The following CAMTA1 variants were observed in gnomAD, a reference collection of about 807,000 sequenced individuals.
CAMTA1 encodes the protein calmodulin binding transcription activator 1.
A neutral mutation model predicts 170.9 loss-of-function variants in CAMTA1; 27 were observed. That is an observed-to-expected ratio of 0.16 (90% CI 0.12 to 0.22). The LOEUF (loss-of-function observed/expected upper bound fraction) is 0.22, where lower values mean the gene tolerates loss of function less well. Among genes scored for constraint, CAMTA1 ranks in the 10% least tolerant of loss-of-function variants. CAMTA1 has a pLI of 1.00. For synonymous variants in CAMTA1, 833 were observed against 891.5 expected (o/e 0.93, Z 1.17); for missense variants, 1,619 against 2,217.2 (o/e 0.73, Z 5.42).
chr1:7,521,839 G>T (rs1476179590), intron 6 of CAMTA1, among the ~76,000 whole-genome samples: 1 of 152,134 alleles, frequency 6.6e-6, no homozygotes, highest in Non-Finnish European at 1.5e-5. Flanking sequence ...GAGCCACTGC[G>T]CTCACTCCAC....
At chr1:6,871,769 A>C (rs1157820871) in intron 3 of CAMTA1, 1 of 1,535,046 alleles carries the variant, frequency 6.5e-7, no homozygotes, top group Non-Finnish European at 8.7e-7. Context: ...ATCATGATGC[A>C]GCCGTCCTTT....
intron 6 of CAMTA1, among the ~76,000 whole-genome samples, chr1:7,469,008 T>G (rs1014877799): frequency 6.6e-6 from 1 of 152,182 alleles, no homozygotes; most frequent in Non-Finnish European, 1.5e-5. Context: ...GGGCTCAGCC[T>G]AGACAGGGCC....
intron 22 of CAMTA1, among the ~76,000 whole-genome samples, chr1:7,765,357 G>A (rs2097012976): frequency 6.6e-6 from 1 of 152,148 alleles, no homozygotes; most frequent in Admixed American, 6.6e-5. Flanking sequence ...CAAAAAAACT[G>A]AGACTGATTT....
chr1:7,480,314 AGT>A (rs1356534835), intron 6 of CAMTA1, among the ~76,000 whole-genome samples: 286 of 27,582 alleles, frequency 0.01, no homozygotes, highest in East Asian at 8.4e-3. Context: ...TGCATTTGTA[AGT>A]GTGTGTGTGT....
At chr1:7,645,573 T>C (rs901528182) in intron 7 of CAMTA1, among the ~76,000 whole-genome samples, 3 of 152,256 alleles carry the variant, frequency 2.0e-5, no homozygotes, top group African/African-American at 7.2e-5. Context: ...GCTGGCCAGA[T>C]GGCCCTGCAG....
intron 1 of CAMTA1, among the ~76,000 whole-genome samples, chr1:6,811,826 G>A (rs913047418): frequency 2.0e-5 from 3 of 152,202 alleles, no homozygotes; most frequent in Non-Finnish European, 2.9e-5. Flanking sequence ...CCGGGGCTGT[G>A]GCTGCCATTT....
In CAMTA1 at chr1:6,945,996, T is replaced by A. The variant is rs150539083; in HGVS notation, c.234+120786T>A. On this transcript the variant is annotated intron_variant, in intron 3 of 22. Transcript: ENST00000303635. The stretch of plus-strand genomic sequence containing the variant: ...GTATAATCCCTTTTGTGGGGACACA[T>A]GTTTTCAGTTTTCTTGGGCATATAC... Among the ~76,000 whole-genome samples, 507 of 152,272 alleles carry A rather than the reference T, an allele frequency of 3.3e-3. 4 individuals carry two copies. Among genetic ancestry groups the A allele is most frequent in the African/African-American group, 0.011 (442 of 41,554 alleles).
Position 7,426,467 on chromosome 1 carries a change from G to A in CAMTA1, c.439-41363G>A, listed in dbSNP as rs367562707. ...CATTATCTATTAATACTAAATAACT[G>A]CATCGATTCGATTGATACTACTTGT... On this transcript the variant is annotated intron_variant, in intron 5 of 22. Coordinates refer to ENST00000303635, the MANE Select transcript of CAMTA1 (RefSeq NM_015215.4). This position sits in a 1 kb window ranked among gnomAD's most constrained non-coding sequence, Gnocchi z 4.8. Among the ~76,000 whole-genome samples the A allele has an allele frequency of 2.6e-5, 4 of 152,190 alleles. No homozygotes were observed. Among genetic ancestry groups the A allele is most frequent in the Non-Finnish European group, 4.4e-5 (3 of 68,036 alleles).
chr1:7,503,626 T>A (rs1306216377), intron 6 of CAMTA1, among the ~76,000 whole-genome samples: 2 of 152,216 alleles, frequency 1.3e-5, no homozygotes, highest in Non-Finnish European at 2.9e-5. Flanking sequence ...GGCTGCTTCA[T>A]AAGACGCCTG....
At position 7,139,958 on chromosome 1, in the gene CAMTA1, T is replaced by G. The variant is rs74051147; in HGVS notation, c.302+48587T>G. 3.8e-3 allele frequency among the ~76,000 whole-genome samples: 575 copies of G among 152,328 alleles called. 3 individuals are homozygous for G. The highest frequency in any genetic ancestry group is 0.013 in the African/African-American group (556 of 41,562). On this transcript the variant is annotated intron_variant, in intron 4 of 22. Coordinates refer to ENST00000303635, the MANE Select transcript of CAMTA1 (RefSeq NM_015215.4). ...ATATATCAAGAATGACAATAAAGATTAGTTACCATTTATTGAGTGTTTACT... is the reference window on the plus strand; with the variant it reads ...ATATATCAAGAATGACAATAAAGATGAGTTACCATTTATTGAGTGTTTACT...
rs1646183633 is a variant in CAMTA1 at position 7,146,334 on chromosome 1, A to G, written c.302+54963A>G. 1.3e-5 allele frequency among the ~76,000 whole-genome samples: 2 copies of G among 152,216 alleles called. No homozygotes were observed. The highest frequency in any genetic ancestry group is 1.3e-4 in the Admixed American group (2 of 15,280). On this transcript the variant is annotated intron_variant, in intron 4 of 22. Transcript: ENST00000303635. The surrounding 1 kb of genome is among the most constrained non-coding windows in gnomAD (Gnocchi z 4.3). The stretch of plus-strand genomic sequence containing the variant: ...CTTGGGATATGAGAAGTTAATTTCC[A>G]CATATCCTGGAGGGGGAAGAAGCAC...
chr1:7,766,041 A>AAAAAAAAC (rs1558335771), intron 22 of CAMTA1, among the ~76,000 whole-genome samples: 1 of 147,444 alleles, frequency 6.8e-6, no homozygotes, highest in African/African-American at 2.5e-5. Flanking sequence ...AAAAAAAAAA[A>AAAAAAAAC]AAAACTAAAT....
chr1:6,812,182 C>T (rs1189499423), intron 1 of CAMTA1, among the ~76,000 whole-genome samples: 2 of 152,152 alleles, frequency 1.3e-5, no homozygotes, highest in South Asian at 2.1e-4. Context: ...TGTGGAGAAG[C>T]GTTGCTGCAT....
In CAMTA1 at chr1:7,093,021, G is replaced by C. The variant is rs537328678; in HGVS notation, c.302+1650G>C. Reference sequence around the variant, plus strand: ...TGGGAAGGACATCCCTCCACAGAGTGGGGGCAGGGGTGGGCGGTGGAGAGG... The same window carrying C: ...TGGGAAGGACATCCCTCCACAGAGTCGGGGCAGGGGTGGGCGGTGGAGAGG... On this transcript the variant is annotated intron_variant, in intron 4 of 22. Transcript: ENST00000303635. The surrounding 1 kb of genome is among the most constrained non-coding windows in gnomAD (Gnocchi z 4.6). Among the ~76,000 whole-genome samples the C allele has an allele frequency of 1.3e-5, 2 of 152,366 alleles. No homozygotes were observed. Among genetic ancestry groups the C allele is most frequent in the East Asian group, 1.9e-4 (1 of 5,190 alleles).
At chr1:7,335,523 C>T (rs2083327744) in intron 5 of CAMTA1, among the ~76,000 whole-genome samples, 3 of 152,128 alleles carry the variant, frequency 2.0e-5, no homozygotes, top group South Asian at 2.1e-4. Context: ...AGCTGAGGCT[C>T]CAGCTTGAGG....
At chr1:7,335,145 G>GT (rs2083292169) in intron 5 of CAMTA1, among the ~76,000 whole-genome samples, 2 of 78,828 alleles carry the variant, frequency 2.5e-5, no homozygotes, top group African/African-American at 4.2e-5. Flanking sequence ...TGTGTGGGGG[G>GT]GGGGGGGGGG....
At position 7,664,877 on chromosome 1, in the gene CAMTA1, TCAA is replaced by T; in HGVS notation, c.2332_2334del (p.Asn778del). 6.2e-7 allele frequency: 1 copy of T among 1,613,330 alleles called. No individual in the cohort carries two copies. Among genetic ancestry groups the T allele is most frequent in the Non-Finnish European group, 8.5e-7 (1 of 1,180,014 alleles). ...TTCAGCAACCAGTTCTCCGACCTGA[TCAA>T]CGACTTCATCTCCGTGGAGGGGGGC... On this transcript the variant is annotated inframe_deletion, in exon 9 of 23. Coordinates refer to ENST00000303635, the MANE Select transcript of CAMTA1 (RefSeq NM_015215.4).
chr1:6,893,789 T>G (rs1375108364), intron 3 of CAMTA1, among the ~76,000 whole-genome samples: 1 of 152,178 alleles, frequency 6.6e-6, no homozygotes, highest in Non-Finnish European at 1.5e-5. Flanking sequence ...GGAAGGGGGT[T>G]TGTGCTAATT....
chr1:7,739,454 C>T (rs763687842), intron 16 of CAMTA1, among the ~76,000 whole-genome samples: 7 of 152,020 alleles, frequency 4.6e-5, no homozygotes, highest in South Asian at 2.1e-4. Context: ...GGGGAGTTGC[C>T]GGGGGCACCA....
Sources: allele counts gnomAD v4.1 joint callset (sites outside exome capture counted in the v4.1 genomes callset), GRCh38; gene constraint gnomAD v4.1.1; non-coding constraint Gnocchi (gnomAD v3.1); transcripts MANE v1.5; gene names NCBI Gene and HGNC (gene_info 2026-07-23, HGNC 2026-07-21).